RASD2: variants seen among roughly 807,000 people sequenced by gnomAD.
The protein encoded by RASD2 is RASD family member 2, also known as GTP-binding protein Rhes.
Under a neutral mutation model 15.8 loss-of-function variants are expected in RASD2, and 7 were observed. The ratio of observed to expected loss-of-function variants is 0.44; its 90% CI spans 0.25 to 0.83. The LOEUF (loss-of-function observed/expected upper bound fraction) is 0.83. RASD2 is among the 40% of genes least tolerant of loss of function. The pLI is 0.20. For synonymous variants in RASD2, 155 were observed against 153.6 expected, an observed-to-expected ratio of 1.01 and a Z score of -0.07; for missense variants, 274 against 382.8, an observed-to-expected ratio of 0.72 and a Z score of 2.37.
intron 1 of RASD2, among the ~76,000 whole-genome samples, chr22:35,544,792 C>T (rs1569101339): frequency 1.3e-5 from 2 of 152,194 alleles, no homozygotes; most frequent in Non-Finnish European, 2.9e-5. Flanking sequence ...AATTTAACCT[C>T]TCTGTGCCTC....
chr22:35,547,068 T>C lies in RASD2; in HGVS notation c.259T>C (p.Ser87Pro). Reference protein sequence around the residue: ...NHPFPAMRRLSILTGDVFILV... With the variant: ...NHPFPAMRRLPILTGDVFILV... ...CCCCTTCCCCGCCATGCGCAGGCTG[T>C]CCATCCTCACAGGTGAGGCCCACTG... The change falls in exon 2 of 3, where the codon TCC becomes CCC. Residue 87 changes from serine to proline, a missense_variant. By Grantham distance (74) the Ser-to-Pro change is moderately conservative. Coordinates refer to ENST00000216127, the MANE Select transcript of RASD2 (RefSeq NM_014310.4). 6.2e-7 allele frequency: 1 copy of C among 1,613,132 alleles called. No individual in the cohort carries two copies. Among genetic ancestry groups the C allele is most frequent in the South Asian group, 1.1e-5 (1 of 91,018 alleles).
intron 1 of RASD2, among the ~76,000 whole-genome samples, chr22:35,545,698 C>T (rs1433821754): frequency 6.6e-6 from 1 of 152,020 alleles, no homozygotes; most frequent in Non-Finnish European, 1.5e-5. Context: ...TGAGCCAGAC[C>T]CTGAAACATA....
rs1156874737 is a variant in RASD2, at chr22:35,553,416, C to T, written c.*1384C>T. The T allele has an allele frequency of 6.6e-6, 1 of 152,478 alleles. No homozygotes were observed. The highest frequency in any genetic ancestry group is 1.5e-5 in the Non-Finnish European group (1 of 68,004). 9.4% of individuals were successfully genotyped at this position (152,478 alleles called of 1,614,324 possible). ...AAAGGCCCTTGTCATCAGCTCTTAA[C>T]AAGTATATTTTGTATTTTAATCTCT... On this transcript the variant is annotated 3_prime_UTR_variant, in exon 3 of 3. Coordinates refer to ENST00000216127, the MANE Select transcript of RASD2 (RefSeq NM_014310.4).
chr22:35,536,169 A>G (rs1027255368), upstream of RASD2, among the ~76,000 whole-genome samples: 1 of 152,204 alleles, frequency 6.6e-6, no homozygotes, highest in Non-Finnish European at 1.5e-5. Flanking sequence ...CTGGTGACCC[A>G]TTGACCTCTG....
At chr22:35,535,495 A>G in the RASD2 span, among the ~76,000 whole-genome samples, 1 of 152,224 alleles carries the variant, frequency 6.6e-6, no homozygotes, top group African/African-American at 2.4e-5. Context: ...CCCAAGTTTC[A>G]GATATGAGTA....
At position 35,551,750 on chromosome 22, in the gene RASD2, CAAG is replaced by C; in HGVS notation, c.525_527del (p.Lys175del). On this transcript the variant is annotated inframe_deletion, in exon 3 of 3. Coordinates refer to ENST00000216127, the MANE Select transcript of RASD2 (RefSeq NM_014310.4). The surrounding 1 kb of genome is among the most constrained non-coding windows in gnomAD (Gnocchi z 4.9). ...ACTGCGCCTACTTCGAGGTGTCGGC[CAAG>C]AAGAACACCAACGTGGACGAGATGT... 1 of 1,613,954 alleles carries C rather than the reference CAAG, an allele frequency of 6.2e-7. No homozygotes were observed. The highest frequency in any genetic ancestry group is 8.5e-7 in the Non-Finnish European group (1 of 1,179,984).
intron 2 of RASD2, among the ~76,000 whole-genome samples, chr22:35,547,436 G>T: frequency 6.6e-6 from 1 of 152,178 alleles, no homozygotes; most frequent in South Asian, 2.1e-4. Flanking sequence ...AGGGCCCAAG[G>T]TCAGTCCACG....
At chr22:35,536,773 C>G (rs1305907634), upstream of RASD2, among the ~76,000 whole-genome samples, 1 of 152,214 alleles carries the variant, frequency 6.6e-6, no homozygotes, top group Non-Finnish European at 1.5e-5. Context: ...TGGCCTCACT[C>G]CCAAAGCTTC....
the RASD2 span, among the ~76,000 whole-genome samples, chr22:35,533,499 G>A: frequency 6.6e-6 from 1 of 152,156 alleles, no homozygotes; most frequent in East Asian, 1.9e-4. Context: ...GACGGTGATG[G>A]TGATGATGGT....
chr22:35,542,588 T>A (rs890003772), intron 1 of RASD2, among the ~76,000 whole-genome samples: 1 of 152,188 alleles, frequency 6.6e-6, no homozygotes, highest in Non-Finnish European at 1.5e-5. Context: ...TCCCGGACTC[T>A]CAGAGTGGCA....
At chr22:35,537,235 C>T (rs892136855), upstream of RASD2, among the ~76,000 whole-genome samples, 6 of 152,188 alleles carry the variant, frequency 3.9e-5, no homozygotes, top group Admixed American at 3.9e-4. Context: ...TGTGTCTGTC[C>T]ACCCTTCCCT....
intron 1 of RASD2, among the ~76,000 whole-genome samples, chr22:35,542,756 G>A (rs1362976919): frequency 5.3e-5 from 8 of 152,334 alleles, no homozygotes; most frequent in South Asian, 4.1e-4. Flanking sequence ...GCCTGTGCCC[G>A]TGTGACCCCT....
At chr22:35,550,752 C>T (rs575290144) in intron 2 of RASD2, among the ~76,000 whole-genome samples, 47 of 152,334 alleles carry the variant, frequency 3.1e-4, no homozygotes, top group African/African-American at 9.4e-4. Context: ...CCTAGCCACA[C>T]GGAAGCTGTG....
In RASD2 at chr22:35,542,627, G is replaced by A. The variant is rs147789953; in HGVS notation, c.-10+1127G>A. Among the ~76,000 whole-genome samples the A allele has an allele frequency of 7.6e-4, 116 of 152,340 alleles. 1 individual carries two copies. Among genetic ancestry groups the A allele is most frequent in the African/African-American group, 2.5e-3 (103 of 41,578 alleles). On this transcript the variant is annotated intron_variant, in intron 1 of 2. Transcript: ENST00000216127. ...GGAAGCCAGTGATGGCAATGTGCGT[G>A]TCCAAAGAGGCTGAGTGTGCACTGA...
upstream of RASD2, among the ~76,000 whole-genome samples, chr22:35,540,499 C>G (rs909629977): frequency 1.5e-4 from 22 of 150,640 alleles, no homozygotes; most frequent in African/African-American, 4.8e-4. Flanking sequence ...GGGGCAGACG[C>G]TGGCGCTGGG....
chr22:35,536,470 C>T (rs544037976), upstream of RASD2, among the ~76,000 whole-genome samples: 6 of 152,216 alleles, frequency 3.9e-5, no homozygotes, highest in South Asian at 2.1e-4. Flanking sequence ...GGACTACAGG[C>T]GCCTGCCATT....
At chr22:35,540,453 G>C (rs1934314579), upstream of RASD2, among the ~76,000 whole-genome samples, 1 of 149,012 alleles carries the variant, frequency 6.7e-6, no homozygotes, top group Admixed American at 6.7e-5. Context: ...GGGGCGAGGC[G>C]GGGCGCCGGG....
chr22:35,548,906 C>T lies in RASD2; in HGVS notation c.271+1826C>T, dbSNP rs116238066. 6.6e-4 allele frequency among the ~76,000 whole-genome samples: 101 copies of T among 152,270 alleles called. 1 individual carries two copies. Among genetic ancestry groups the T allele is most frequent in the African/African-American group, 2.3e-3 (97 of 41,554 alleles). The stretch of plus-strand genomic sequence containing the variant: ...GTGAGGACTGCAAGAAGGCTTGTGG[C>T]GGGAGCTTCCAGCACGTGACGGGTA... On this transcript the variant is annotated intron_variant, in intron 2 of 2. Coordinates refer to ENST00000216127, the MANE Select transcript of RASD2 (RefSeq NM_014310.4).
At chr22:35,533,742 G>A in the RASD2 span, among the ~76,000 whole-genome samples, 4 of 2,300 alleles carry the variant, frequency 1.7e-3, no homozygotes, top group Admixed American at 9.0e-3. Context: ...AGTGATGATG[G>A]GGAAGATGAT....
Sources: allele counts gnomAD v4.1 joint callset (sites outside exome capture counted in the v4.1 genomes callset), GRCh38; gene constraint gnomAD v4.1.1; non-coding constraint Gnocchi (gnomAD v3.1); transcripts MANE v1.5; gene names NCBI Gene and HGNC (gene_info 2026-07-23, HGNC 2026-07-21).